TRAF2: variants seen among roughly 807,000 people sequenced by gnomAD.
TRAF2 encodes TNF receptor associated factor 2.
In TRAF2, 6 loss-of-function variants were observed where a neutral mutation model predicts 55.6. The observed-to-expected ratio is 0.11, with a 90% CI of 0.06 to 0.21. The LOEUF is 0.21. TRAF2 is among the 10% of genes least tolerant of loss of function. TRAF2 has a pLI of 1.00. For missense variants in TRAF2, 561 were observed against 684.5 expected, an observed-to-expected ratio of 0.82 and a Z score of 2.01; for synonymous variants, 329 against 276.3, an observed-to-expected ratio of 1.19 and a Z score of -1.89.
At chr9:136,900,162 CCTCCTTT>C in intron 3 of TRAF2, among the ~76,000 whole-genome samples, 1 of 138,934 alleles carries the variant, frequency 7.2e-6, no homozygotes, top group South Asian at 2.4e-4. Flanking sequence ...AAGTGAGACC[CCTCCTTT>C]AAAAAAAAAA....
chr9:136,886,796 C>T, intron 1 of TRAF2: 1 of 179,948 alleles, frequency 5.6e-6, no homozygotes, highest in Non-Finnish European at 1.1e-5. Context: ...GTGCTCGGAG[C>T]AGCGCCAGGG....
At chr9:136,903,110 C>T (rs766116106) in intron 4 of TRAF2, among the ~76,000 whole-genome samples, 2 of 152,100 alleles carry the variant, frequency 1.3e-5, no homozygotes, top group Non-Finnish European at 2.9e-5. Flanking sequence ...CCACCACATC[C>T]GGCTAATTTT....
chr9:136,888,303 C>T (rs1017248138), intron 1 of TRAF2, among the ~76,000 whole-genome samples: 38 of 152,276 alleles, frequency 2.5e-4, no homozygotes, highest in African/African-American at 7.7e-4. Context: ...GTGCCATTGA[C>T]GCCTGTAGTC....
chr9:136,896,712 C>CT (rs1185513791), intron 1 of TRAF2, among the ~76,000 whole-genome samples: 2 of 152,008 alleles, frequency 1.3e-5, no homozygotes, highest in Non-Finnish European at 2.9e-5. Flanking sequence ...GCGATCTTGG[C>CT]TCACTGCAAC....
intron 6 of TRAF2, among the ~76,000 whole-genome samples, chr9:136,911,823 G>A (rs138145784): frequency 4.0e-5 from 6 of 149,570 alleles, no homozygotes; most frequent in East Asian, 2.0e-4. Flanking sequence ...TGTGTGTGGC[G>A]TGCTTGGGAT....
chr9:136,915,304 G>A (rs749785715), intron 6 of TRAF2, among the ~76,000 whole-genome samples: 1 of 152,160 alleles, frequency 6.6e-6, no homozygotes, highest in African/African-American at 2.4e-5. Context: ...CCGTGCGGTC[G>A]TTCAGAAATT....
intron 7 of TRAF2, among the ~76,000 whole-genome samples, chr9:136,918,255 A>ATATTTATT (rs1312840077): frequency 3.0e-4 from 7 of 23,332 alleles, no homozygotes; most frequent in African/African-American, 1.5e-3. Flanking sequence ...ATATATATAT[A>ATATTTATT]TATTTATTTA....
At chr9:136,911,389 C>T (rs1051834617) in intron 6 of TRAF2, among the ~76,000 whole-genome samples, 29 of 151,770 alleles carry the variant, frequency 1.9e-4, no homozygotes, top group East Asian at 7.7e-4. Context: ...CTCAGCTTCC[C>T]GAGTAGCTGG....
chr9:136,907,215 G>A (rs1422127586), intron 4 of TRAF2, among the ~76,000 whole-genome samples: 1 of 152,266 alleles, frequency 6.6e-6, no homozygotes. Context: ...CTGACGCTTA[G>A]CCTGCGGCAC....
At position 136,925,982 on chromosome 9, in the gene TRAF2, C is replaced by A; in HGVS notation, c.*81C>A. The A allele has an allele frequency of 6.5e-7, 1 of 1,543,802 alleles. No homozygotes were observed. Among genetic ancestry groups the A allele is most frequent in the Non-Finnish European group, 8.9e-7 (1 of 1,124,258 alleles). On this transcript the variant is annotated 3_prime_UTR_variant, in exon 11 of 11. Coordinates refer to ENST00000247668, the MANE Select transcript of TRAF2 (RefSeq NM_021138.4). ...AGGGGCCACCACGCTGGGCCAGGGTCTCACTGTACAAGTGGGCAGGGGCCG... is the reference window on the plus strand; with the variant it reads ...AGGGGCCACCACGCTGGGCCAGGGTATCACTGTACAAGTGGGCAGGGGCCG...
intron 9 of TRAF2, 64 bp from the exon 10 acceptor site, chr9:136,923,785 GGCA>G: frequency 6.4e-7 from 1 of 1,550,904 alleles, no homozygotes; most frequent in Non-Finnish European, 8.8e-7. Context: ...AGGGCAGCCA[GGCA>G]GGAAGAGCCC....
intron 6 of TRAF2, among the ~76,000 whole-genome samples, chr9:136,913,380 C>T (rs559593349): frequency 6.9e-6 from 1 of 144,882 alleles, no homozygotes; most frequent in South Asian, 2.2e-4. Context: ...TCACTGCAAC[C>T]TCTGCCTCCT....
intron 7 of TRAF2, among the ~76,000 whole-genome samples, chr9:136,918,227 T>TTATATATATA (rs764701854): frequency 1.7e-3 from 113 of 68,040 alleles, no homozygotes; most frequent in Middle Eastern, 6.0e-3. Context: ...AGTGTTTTGT[T>TTATATATATA]TATATATATA....
chr9:136,884,047 T>G (rs1198571347), upstream of TRAF2, among the ~76,000 whole-genome samples: 1 of 151,002 alleles, frequency 6.6e-6, no homozygotes, highest in East Asian at 2.0e-4. Flanking sequence ...ATGGTCTCGA[T>G]CTCTTGACCT....
intron 5 of TRAF2, 118 bp from the exon 6 acceptor site, chr9:136,909,802 G>A (rs1326060889): frequency 2.4e-5 from 24 of 985,966 alleles, no homozygotes; most frequent in Non-Finnish European, 3.4e-5. Flanking sequence ...CGAGGCTGGA[G>A]GGTGACCACG....
Position 136,926,227 on chromosome 9 carries a change from ACT to A in TRAF2, c.*328_*329del. On this transcript the variant is annotated 3_prime_UTR_variant, in exon 11 of 11. Coordinates refer to ENST00000247668, the MANE Select transcript of TRAF2 (RefSeq NM_021138.4). ...AAGGGAGAGGCCCTGGGTGGGGGAC[ACT>A]CAGAGTGGGAGCACATCCCAGCAGT... The A allele has an allele frequency of 2.2e-6, 1 of 460,926 alleles. No homozygotes were observed. The allele number at this position is 460,926 out of a possible 1,614,324, so 28.6% of individuals were successfully genotyped here. A position where few individuals can be genotyped will look rare whatever the true frequency, so the allele number is the denominator to read the frequency against.
chr9:136,908,578 C>T (rs1351922945), intron 5 of TRAF2, among the ~76,000 whole-genome samples: 3 of 149,472 alleles, frequency 2.0e-5, no homozygotes, highest in African/African-American at 5.0e-5. Flanking sequence ...AAAAGTTAGC[C>T]AGGAGTGGCC....
chr9:136,887,034 G>C (rs959523218), intron 1 of TRAF2, among the ~76,000 whole-genome samples: 2 of 152,202 alleles, frequency 1.3e-5, no homozygotes, highest in African/African-American at 4.8e-5. Flanking sequence ...GCGCCCCCCA[G>C]CCAGGGGTCG....
chr9:136,898,197 A>T (rs1173846268), intron 1 of TRAF2, among the ~76,000 whole-genome samples: 3 of 152,180 alleles, frequency 2.0e-5, no homozygotes, highest in Non-Finnish European at 4.4e-5. Context: ...GTCTGGCGGC[A>T]TGGCTCTCTC....
Sources: gnomAD v4.1 joint callset for allele counts (sites outside exome capture counted in the v4.1 genomes callset) on GRCh38, gnomAD v4.1.1 for gene constraint, MANE v1.5 for transcripts, NCBI Gene and HGNC (gene_info 2026-07-23, HGNC 2026-07-21) for gene names.